The following LAMA2 variants were observed in gnomAD, a reference collection of about 807,000 sequenced individuals.
LAMA2 encodes laminin subunit alpha-2.
LAMA2 carries 269 observed loss-of-function variants against 364.8 expected under a neutral mutation model. The ratio of observed to expected loss-of-function variants is 0.74; its 90% CI spans 0.67 to 0.82. LAMA2 has a LOEUF of 0.82. Ranked by LOEUF, LAMA2 falls within the 40% of genes least tolerant of loss-of-function variation. The pLI is 0.00. For synonymous variants in LAMA2, 1,379 were observed against 1,370.6 expected, an observed-to-expected ratio of 1.01 and a Z score of -0.14; for missense variants, 3,807 against 3,873.2, an observed-to-expected ratio of 0.98 and a Z score of 0.45.
chr6:129,317,284 T>A (rs1348267349), intron 27 of LAMA2, among the ~76,000 whole-genome samples: 1 of 152,192 alleles, frequency 6.6e-6, no homozygotes, highest in Non-Finnish European at 1.5e-5. Context: ...AGAATCGATA[T>A]ATGTTTGTAA....
intron 4 of LAMA2, among the ~76,000 whole-genome samples, chr6:129,121,644 A>T (rs1472665996): frequency 6.6e-6 from 1 of 152,194 alleles, no homozygotes; most frequent in East Asian, 1.9e-4. Flanking sequence ...CTTTAGAAAA[A>T]TAAAGTCATC....
Position 129,478,780 on chromosome 6 carries a change from T to C in LAMA2, c.7539T>C (p.Asp2513=). 1 of 1,612,960 alleles carries C rather than the reference T, an allele frequency of 6.2e-7. No individual in the cohort carries two copies. ...RTPYNILSSP[D]YVGVTKGCSL... ...CGTACAATATACTCAGTAGTCCCGA[T>C]TATGTTGGTGTTACCAAAGGATGTT... Residue 2513 remains aspartate (D), a synonymous_variant, in exon 54 of 65, where the codon GAT becomes GAC. Transcript: ENST00000421865.
At chr6:129,366,396 C>T (rs1011087771) in intron 33 of LAMA2, 35 bp downstream of exon 33, 2 of 1,611,154 alleles carry the variant, frequency 1.2e-6, no homozygotes, top group Admixed American at 1.7e-5. Flanking sequence ...GGGCCAGGGA[C>T]AAGGTGACAG....
intron 19 of LAMA2, among the ~76,000 whole-genome samples, chr6:129,290,420 GA>G (rs1477771202): frequency 6.6e-6 from 1 of 152,132 alleles, no homozygotes; most frequent in African/African-American, 2.4e-5. Flanking sequence ...GGCAGACACT[GA>G]AGACAAACTT....
Position 129,066,043 on chromosome 6 carries a change from T to C in LAMA2, c.396+6147T>C, listed in dbSNP as rs1236005161. The stretch of plus-strand genomic sequence containing the variant: ...TGTAAATTGCCCAGTCTCAGGTTTT[T>C]TTTTTTTTTTTTTTTTTTTTGAGAC... On this transcript the variant is annotated intron_variant, in intron 3 of 64. Coordinates refer to ENST00000421865, the MANE Select transcript of LAMA2 (RefSeq NM_000426.4). Among the ~76,000 whole-genome samples the C allele has an allele frequency of 4.9e-4, 37 of 75,590 alleles. 8 individuals are homozygous for C. Among genetic ancestry groups the C allele is most frequent in the Admixed American group, 2.7e-3 (18 of 6,578 alleles). The allele number at this position is 75,590 out of a possible 152,430, so 49.6% of individuals were successfully genotyped here.
At chr6:129,515,923 T>C (rs960308180) in intron 64 of LAMA2, among the ~76,000 whole-genome samples, 1 of 151,986 alleles carries the variant, frequency 6.6e-6, no homozygotes. Context: ...GGAGGATCGC[T>C]TGAGCCCAGG....
Position 129,102,468 on chromosome 6 carries a change from T to A in LAMA2, c.639+4053T>A, listed in dbSNP as rs192510527. On this transcript the variant is annotated intron_variant, in intron 4 of 64. Transcript: ENST00000421865. ...TTTCAAATAGAAGTTGTTTCTCATT[T>A]TACATTGAAATTTTATATTTATAGT... Among the ~76,000 whole-genome samples, 293 of 152,170 alleles carry A rather than the reference T, an allele frequency of 1.9e-3. 1 individual carries two copies. The highest frequency in any genetic ancestry group is 6.8e-3 in the African/African-American group (281 of 41,586).
chr6:129,466,980 A>C (rs770617230), intron 51 of LAMA2, among the ~76,000 whole-genome samples: 3 of 151,792 alleles, frequency 2.0e-5, no homozygotes, highest in Non-Finnish European at 2.9e-5. Context: ...ACAATTTAGG[A>C]TGCTACGGAG....
intron 9 of LAMA2, among the ~76,000 whole-genome samples, chr6:129,167,163 TA>T (rs1257152807): frequency 1.2e-4 from 19 of 152,292 alleles, no homozygotes; most frequent in African/African-American, 4.6e-4. Flanking sequence ...ATTCAGTTTT[TA>T]TTTTTTTTAA....
intron 10 of LAMA2, among the ~76,000 whole-genome samples, chr6:129,181,706 A>C (rs1307433554): frequency 6.6e-6 from 1 of 151,944 alleles, no homozygotes; most frequent in Non-Finnish European, 1.5e-5. Flanking sequence ...TGACTCACAG[A>C]ATTGTAAAAT....
At chr6:129,422,933 G>T (rs1781148915) in intron 40 of LAMA2, among the ~76,000 whole-genome samples, 1 of 151,936 alleles carries the variant, frequency 6.6e-6, no homozygotes, top group South Asian at 2.1e-4. Context: ...AGATGTAAAA[G>T]TTCATGGCAA....
At chr6:129,195,430 T>C (rs1340915837) in intron 12 of LAMA2, among the ~76,000 whole-genome samples, 1 of 152,208 alleles carries the variant, frequency 6.6e-6, no homozygotes, top group Non-Finnish European at 1.5e-5. Context: ...ACATTTTTAC[T>C]GTTTTGGAAT....
chr6:129,068,535 A>G (rs1773090163), intron 3 of LAMA2, among the ~76,000 whole-genome samples: 1 of 152,148 alleles, frequency 6.6e-6, no homozygotes, highest in Non-Finnish European at 1.5e-5. Flanking sequence ...TACTAATTCC[A>G]TTCTTGGGGG....
chr6:129,259,500 G>A (rs2114315857), intron 14 of LAMA2, among the ~76,000 whole-genome samples: 1 of 152,160 alleles, frequency 6.6e-6, no homozygotes, highest in East Asian at 1.9e-4. Flanking sequence ...TGAGTCAATA[G>A]TAGTCATTTA....
chr6:129,327,231 G>T (rs1487526747), intron 28 of LAMA2, among the ~76,000 whole-genome samples: 2 of 152,088 alleles, frequency 1.3e-5, no homozygotes, highest in Non-Finnish European at 2.9e-5. Context: ...AACAAGGAGG[G>T]TGCTAGCTAT....
At chr6:129,048,543 T>TTCTTTCTTTCTTTCTCTCTCTCTCTC (rs1787748412) in intron 1 of LAMA2, among the ~76,000 whole-genome samples, 1 of 52,608 alleles carries the variant, frequency 1.9e-5, no homozygotes, top group Non-Finnish European at 4.1e-5. Context: ...CTTCCTTCCT[T>TTCTTTCTTTCTTTCTCTCTCTCTCTC]TCTTTCTTTC....
Position 129,487,310 on chromosome 6 carries a change from A to G in LAMA2, c.7898+688A>G, listed in dbSNP as rs78022035. Among the ~76,000 whole-genome samples the G allele has an allele frequency of 2.7e-4, 41 of 152,342 alleles. No homozygotes were observed. In the East Asian group the frequency reaches 6.9e-3, roughly 26 times the overall value. ...TGATGACTTTCTTTAGAATGCTGCAATACTTTATACTTACTTTATTAGGAA... is the reference window on the plus strand; with the variant it reads ...TGATGACTTTCTTTAGAATGCTGCAGTACTTTATACTTACTTTATTAGGAA... On this transcript the variant is annotated intron_variant, in intron 56 of 64. Transcript: ENST00000421865.
intron 43 of LAMA2, among the ~76,000 whole-genome samples, chr6:129,442,057 C>T (rs1161353548): frequency 6.6e-6 from 1 of 152,026 alleles, no homozygotes; most frequent in African/African-American, 2.4e-5. Flanking sequence ...GTAATCTGTG[C>T]TTTTCACTTT....
intron 1 of LAMA2, among the ~76,000 whole-genome samples, chr6:128,920,751 A>G (rs1778655570): frequency 6.6e-6 from 1 of 151,634 alleles, no homozygotes; most frequent in South Asian, 2.1e-4. Flanking sequence ...GTGTGTGCAC[A>G]TGTTGAACAA....
Sources: gnomAD v4.1 joint callset for allele counts (sites outside exome capture counted in the v4.1 genomes callset) on GRCh38, gnomAD v4.1.1 for gene constraint, MANE v1.5 for transcripts, NCBI Gene and HGNC (gene_info 2026-07-23, HGNC 2026-07-21) for gene names.